The following MAP4K3 variants were observed in gnomAD, a reference collection of about 807,000 sequenced individuals.
MAP4K3 encodes the protein mitogen-activated protein kinase kinase kinase kinase 3.
In MAP4K3, 94 loss-of-function variants were observed where a neutral mutation model predicts 143.5. The ratio of observed to expected loss-of-function variants is 0.65; its 90% CI spans 0.55 to 0.78. MAP4K3 has a LOEUF of 0.78. Among genes scored for constraint, MAP4K3 ranks in the 30% least tolerant of loss-of-function variants. The pLI is 0.00. For synonymous variants in MAP4K3, 416 were observed against 347.2 expected (o/e 1.20, Z -2.20); for missense variants, 1,077 against 1,068.1 (o/e 1.01, Z -0.12).
At chr2:39,401,792 A>G (rs113180205) in intron 1 of MAP4K3, among the ~76,000 whole-genome samples, 37 of 152,198 alleles carry the variant, frequency 2.4e-4, no homozygotes, top group African/African-American at 8.9e-4. Context: ...CAGGAGTGTG[A>G]CCCTGTCTCA....
At chr2:39,383,284 T>C (rs1015835021) in intron 1 of MAP4K3, among the ~76,000 whole-genome samples, 3 of 152,100 alleles carry the variant, frequency 2.0e-5, no homozygotes, top group African/African-American at 7.2e-5. Context: ...GAAGCAAACA[T>C]GTCCTCCTTC....
chr2:39,269,604 A>G (rs939199312), intron 26 of MAP4K3, among the ~76,000 whole-genome samples: 1 of 151,174 alleles, frequency 6.6e-6, no homozygotes, highest in African/African-American at 2.4e-5. Context: ...CCTCCCAGGT[A>G]GCTGGAACTA....
intron 4 of MAP4K3, among the ~76,000 whole-genome samples, chr2:39,342,896 C>G (rs1044967646): frequency 2.6e-5 from 4 of 152,090 alleles, no homozygotes; most frequent in Non-Finnish European, 4.4e-5. Context: ...AAAGAAAAGG[C>G]TATTTTACTT....
In MAP4K3 at chr2:39,293,191, T is replaced by C. The variant is rs376985197; in HGVS notation, c.1217+39A>G. ...AGAAGGCAAACTGACTTTACTTGTC[T>C]GTGACATAAAGTACTTTAAGATTAA... On this transcript the variant is annotated intron_variant, in intron 17 of 33. Coordinates refer to ENST00000263881, the MANE Select transcript of MAP4K3 (RefSeq NM_003618.4). 4 of 1,415,712 alleles carry C rather than the reference T, an allele frequency of 2.8e-6. No individual in the cohort carries two copies. The African/African-American group carries it at 4.3e-5, about 15-fold the overall frequency. The allele number at this position is 1,415,712 out of a possible 1,614,324, so 87.7% of individuals were successfully genotyped here.
intron 1 of MAP4K3, among the ~76,000 whole-genome samples, chr2:39,423,046 C>T (rs1336877900): frequency 6.6e-6 from 1 of 151,864 alleles, no homozygotes; most frequent in Admixed American, 6.6e-5. Context: ...GGACATGTAT[C>T]CAAAATATAC....
intron 1 of MAP4K3, among the ~76,000 whole-genome samples, chr2:39,381,225 T>C (rs1196841075): frequency 1.3e-5 from 2 of 152,250 alleles, no homozygotes; most frequent in South Asian, 2.1e-4. Flanking sequence ...TTATGAATAA[T>C]GGTGCTATAA....
chr2:39,287,763 G>A (rs912965035), intron 20 of MAP4K3, among the ~76,000 whole-genome samples: 2 of 152,110 alleles, frequency 1.3e-5, no homozygotes, highest in South Asian at 2.1e-4. Context: ...TTAGGACAAG[G>A]TACTCTCTTC....
intron 27 of MAP4K3, among the ~76,000 whole-genome samples, chr2:39,266,462 C>T (rs576409527): frequency 5.3e-5 from 8 of 152,266 alleles, no homozygotes; most frequent in African/African-American, 1.9e-4. Context: ...TCCAGCTAAG[C>T]GAATAGTCAG....
In MAP4K3 at chr2:39,272,384, A is replaced by C. The variant is rs552497239; in HGVS notation, c.1872T>G (p.Leu624=). The part of the protein sequence containing the change: ...LLSISGKASQ[L]YSHNLPGLFD... ...AAAGCCCTGGTAAATTATGGGAATA[A>C]AGCTGAGAAGCTTTACCTATAAAGA... is the stretch of plus-strand genomic sequence containing the variant. Residue 624 remains leucine (L), a synonymous_variant, in exon 26 of 34, where the codon CTT becomes CTG. Transcript: ENST00000263881. The C allele has an allele frequency of 1.9e-6, 3 of 1,613,116 alleles. No homozygotes were observed. The highest frequency in any genetic ancestry group is 1.3e-5 in the African/African-American group (1 of 74,904).
intron 2 of MAP4K3, among the ~76,000 whole-genome samples, chr2:39,366,540 T>C (rs1202845984): frequency 6.6e-6 from 1 of 152,230 alleles, no homozygotes; most frequent in Non-Finnish European, 1.5e-5. Flanking sequence ...CAGCTTTCCC[T>C]GAATTCAGAA....
At chr2:39,279,419 A>G (rs1681417859) in intron 23 of MAP4K3, among the ~76,000 whole-genome samples, 1 of 152,196 alleles carries the variant, frequency 6.6e-6, no homozygotes, top group Non-Finnish European at 1.5e-5. Flanking sequence ...AGTACTCAGC[A>G]TATTTAATGA....
At chr2:39,416,993 C>T (rs4670934) in intron 1 of MAP4K3, among the ~76,000 whole-genome samples, 145,598 of 152,262 alleles carry the variant, frequency 0.96, 69,964 homozygotes, top group East Asian at 1. Flanking sequence ...AGACTAAAAT[C>T]GGTTCTTACA....
rs70954799 is a variant in MAP4K3 at position 39,268,634 on chromosome 2, A to ATTTTTTTTTTTTT, written c.1974-1400_1974-1388dup. Among the ~76,000 whole-genome samples the ATTTTTTTTTTTTT allele has an allele frequency of 5.3e-4, 39 of 73,786 alleles. 8 individuals are homozygous for ATTTTTTTTTTTTT. Among genetic ancestry groups the ATTTTTTTTTTTTT allele is most frequent in the Non-Finnish European group, 8.3e-4 (35 of 42,156 alleles). 48.4% of individuals were successfully genotyped at this position (73,786 alleles called of 152,430 possible). Reference sequence around the variant, plus strand: ...CTGTGCCCGGCTAAAGATTTTTTCTATTTTTTTTTTTTTTTTTTTTTTTGA... The same window carrying ATTTTTTTTTTTTT: ...CTGTGCCCGGCTAAAGATTTTTTCTATTTTTTTTTTTTTTTTTTTTTTTTTTTTTTTTTTTTGA... On this transcript the variant is annotated intron_variant, in intron 26 of 33. Coordinates refer to ENST00000263881, the MANE Select transcript of MAP4K3 (RefSeq NM_003618.4).
At position 39,260,847 on chromosome 2, in the gene MAP4K3, A is replaced by G. The variant is rs1446766598; in HGVS notation, c.2137-70T>C. ...CCGAATAATTCTATGAGAATACTAT[A>G]AAACAGCTTTCTACAATAAAGACTG... On this transcript the variant is annotated intron_variant, in intron 28 of 33. Coordinates refer to ENST00000263881, the MANE Select transcript of MAP4K3 (RefSeq NM_003618.4). 6 of 1,065,484 alleles carry G rather than the reference A, an allele frequency of 5.6e-6. No individual in the cohort carries two copies. The East Asian group carries it at 1.3e-4, about 23-fold the overall frequency. 66.0% of individuals were successfully genotyped at this position (1,065,484 alleles called of 1,614,324 possible). A position where few individuals can be genotyped will look rare whatever the true frequency, so the allele number is the denominator to read the frequency against.
At chr2:39,356,707 C>T (rs759922586) in intron 2 of MAP4K3, among the ~76,000 whole-genome samples, 37 of 152,116 alleles carry the variant, frequency 2.4e-4, no homozygotes, top group South Asian at 6.2e-4. Flanking sequence ...GTTAAATGAA[C>T]CAATACATGT....
In MAP4K3 at chr2:39,282,493, A is replaced by G; in HGVS notation, c.1629+20T>C. 1 of 1,600,232 alleles carries G rather than the reference A, an allele frequency of 6.2e-7. No individual in the cohort carries two copies. Among genetic ancestry groups the G allele is most frequent in the African/African-American group, 1.3e-5 (1 of 74,674 alleles). Reference sequence around the variant, plus strand: ...AGTGACTTAGCTTGAAACTTAGCCTACTCCATATTTAGTACTTACATGCAC... The same window carrying G: ...AGTGACTTAGCTTGAAACTTAGCCTGCTCCATATTTAGTACTTACATGCAC... On this transcript the variant is annotated intron_variant, in intron 22 of 33. Coordinates refer to ENST00000263881, the MANE Select transcript of MAP4K3 (RefSeq NM_003618.4).
rs188656716 is a variant in MAP4K3, at chr2:39,319,971, A to T, written c.919-4583T>A. ...AAAAGTCCCCAATTCTTTGACCATTATTTTTATTTTTTAAACTTTGGTCTT... is the reference window on the plus strand; with the variant it reads ...AAAAGTCCCCAATTCTTTGACCATTTTTTTTATTTTTTAAACTTTGGTCTT... On this transcript the variant is annotated intron_variant, in intron 12 of 33. Coordinates refer to ENST00000263881, the MANE Select transcript of MAP4K3 (RefSeq NM_003618.4). Among the ~76,000 whole-genome samples the T allele has an allele frequency of 5.2e-3, 791 of 152,194 alleles. 4 individuals are homozygous for T. Among genetic ancestry groups the T allele is most frequent in the Non-Finnish European group, 8.9e-3 (604 of 67,986 alleles).
At chr2:39,409,399 A>G (rs914192796) in intron 1 of MAP4K3, among the ~76,000 whole-genome samples, 2 of 152,196 alleles carry the variant, frequency 1.3e-5, no homozygotes, top group Non-Finnish European at 2.9e-5. Flanking sequence ...TCTGTTGTTC[A>G]AGGATCCACT....
At chr2:39,314,178 C>T (rs917561760) in intron 13 of MAP4K3, among the ~76,000 whole-genome samples, 2 of 152,030 alleles carry the variant, frequency 1.3e-5, no homozygotes, top group Non-Finnish European at 2.9e-5. Flanking sequence ...TACAGGTGCA[C>T]ATCAACATGC....
Sources: gnomAD v4.1 joint callset for allele counts (sites outside exome capture counted in the v4.1 genomes callset) on GRCh38, gnomAD v4.1.1 for gene constraint, MANE v1.5 for transcripts, NCBI Gene and HGNC (gene_info 2026-07-23, HGNC 2026-07-21) for gene names.